Variants in FOXJ3 observed in about 807,000 individuals in gnomAD.
FOXJ3 encodes the protein forkhead box protein J3.
FOXJ3 carries 22 observed loss-of-function variants against 76.1 expected under a neutral mutation model. The observed-to-expected ratio is 0.29, with a 90% CI of 0.21 to 0.41. The LOEUF is 0.41. Ranked by LOEUF, FOXJ3 falls within the 10% of genes least tolerant of loss-of-function variation. The pLI, the probability that FOXJ3 is intolerant of heterozygous loss-of-function variation, is 1.00. For synonymous variants in FOXJ3, 269 were observed against 261.2 expected (o/e 1.03, Z -0.29); for missense variants, 613 against 762.1 (o/e 0.80, Z 2.30).
intron 1 of FOXJ3, among the ~76,000 whole-genome samples, chr1:42,330,495 G>C (rs1292415361): frequency 1.3e-5 from 2 of 152,032 alleles, no homozygotes; most frequent in African/African-American, 4.8e-5. Context: ...AAAATTAGCT[G>C]AGCATGGTGG....
At chr1:42,237,947 T>G (rs933988406) in intron 4 of FOXJ3, among the ~76,000 whole-genome samples, 2 of 151,208 alleles carry the variant, frequency 1.3e-5, no homozygotes, top group Non-Finnish European at 3.0e-5. Flanking sequence ...CACATATATA[T>G]AGACACACAC....
chr1:42,312,505 C>A (rs952633960), intron 1 of FOXJ3, among the ~76,000 whole-genome samples: 5 of 152,222 alleles, frequency 3.3e-5, no homozygotes. Context: ...ATAGACACTT[C>A]TATTTCTTCC....
chr1:42,196,804 TA>T (rs1646660596), intron 7 of FOXJ3, among the ~76,000 whole-genome samples: 1 of 152,258 alleles, frequency 6.6e-6, no homozygotes, highest in Non-Finnish European at 1.5e-5. Flanking sequence ...TCTAGTTCTA[TA>T]CATGCTTCTT....
At chr1:42,257,913 T>C (rs1033572464) in intron 4 of FOXJ3, among the ~76,000 whole-genome samples, 1 of 152,168 alleles carries the variant, frequency 6.6e-6, no homozygotes, top group Admixed American at 6.5e-5. Flanking sequence ...CAACACAAAG[T>C]ACCCTGCATA....
chr1:42,310,442 GCTTTTTT>G (rs1385555253), intron 2 of FOXJ3, among the ~76,000 whole-genome samples: 1 of 148,380 alleles, frequency 6.7e-6, no homozygotes, highest in Non-Finnish European at 1.5e-5. Context: ...CCGCACCTGG[GCTTTTTT>G]CTTTTTTTTT....
chr1:42,278,016 CAGTT>C (rs1553165949), intron 3 of FOXJ3, among the ~76,000 whole-genome samples: 2 of 149,958 alleles, frequency 1.3e-5, no homozygotes, highest in African/African-American at 2.5e-5. Context: ...CTGATAAAGA[CAGTT>C]AGTACTAGTT....
intron 4 of FOXJ3, among the ~76,000 whole-genome samples, chr1:42,246,242 A>G (rs1649540920): frequency 6.6e-6 from 1 of 152,200 alleles, no homozygotes; most frequent in African/African-American, 2.4e-5. Flanking sequence ...GTAGCAGAAA[A>G]TATTTGCAAA....
intron 11 of FOXJ3, among the ~76,000 whole-genome samples, chr1:42,184,758 A>C (rs546234956): frequency 3.9e-5 from 6 of 152,220 alleles, no homozygotes; most frequent in Admixed American, 3.9e-4. Context: ...ATGACCAAGG[A>C]AGGCATCCCC....
intron 12 of FOXJ3, among the ~76,000 whole-genome samples, 193 bp downstream of exon 12, chr1:42,181,724 C>T (rs911486437): frequency 6.6e-6 from 1 of 152,162 alleles, no homozygotes; most frequent in African/African-American, 2.4e-5. Context: ...CATTCACCAT[C>T]GGGAAAGCTA....
chr1:42,247,478 TA>T (rs1442672908), intron 4 of FOXJ3, among the ~76,000 whole-genome samples: 1 of 152,090 alleles, frequency 6.6e-6, no homozygotes, highest in Non-Finnish European at 1.5e-5. Flanking sequence ...ATAATCTAAA[TA>T]AACATTTCTC....
chr1:42,221,532 T>C (rs1647185689), intron 5 of FOXJ3, among the ~76,000 whole-genome samples: 1 of 152,098 alleles, frequency 6.6e-6, no homozygotes, highest in African/African-American at 2.4e-5. Flanking sequence ...CATGGCTCAC[T>C]GCAACCTCAA....
At chr1:42,270,104 A>G (rs969232797) in intron 3 of FOXJ3, among the ~76,000 whole-genome samples, 1 of 152,148 alleles carries the variant, frequency 6.6e-6, no homozygotes, top group African/African-American at 2.4e-5. Flanking sequence ...GTTCTCTCTC[A>G]GGTTCTAAGC....
intron 4 of FOXJ3, among the ~76,000 whole-genome samples, chr1:42,254,025 C>T (rs1259628350): frequency 6.6e-6 from 1 of 151,320 alleles, no homozygotes; most frequent in African/African-American, 2.4e-5. Context: ...AGTGAACAGG[C>T]AACCTACAAA....
intron 3 of FOXJ3, among the ~76,000 whole-genome samples, chr1:42,273,856 T>C (rs956450276): frequency 1.3e-5 from 2 of 152,054 alleles, no homozygotes; most frequent in Admixed American, 1.3e-4. Flanking sequence ...AAAATCCAGA[T>C]TTCCCTTTTC....
At chr1:42,328,910 G>A (rs1277693941) in intron 1 of FOXJ3, among the ~76,000 whole-genome samples, 3 of 151,858 alleles carry the variant, frequency 2.0e-5, no homozygotes, top group Non-Finnish European at 2.9e-5. Context: ...CAAGTGATCC[G>A]CCTGCCTCGG....
At chr1:42,225,852 A>G (rs1429571176) in intron 5 of FOXJ3, among the ~76,000 whole-genome samples, 1 of 152,040 alleles carries the variant, frequency 6.6e-6, no homozygotes, top group Non-Finnish European at 1.5e-5. Context: ...ACAGTCTCAG[A>G]AAAAAAAGGA....
At chr1:42,272,945 C>T (rs927237412) in intron 3 of FOXJ3, among the ~76,000 whole-genome samples, 1 of 152,156 alleles carries the variant, frequency 6.6e-6, no homozygotes, top group African/African-American at 2.4e-5. Context: ...CTCCACAAAT[C>T]TTAACTCTTC....
intron 1 of FOXJ3, among the ~76,000 whole-genome samples, chr1:42,313,785 A>T (rs1654947830): frequency 6.6e-6 from 1 of 152,186 alleles, no homozygotes; most frequent in East Asian, 1.9e-4. Flanking sequence ...TTTCGTACAC[A>T]GCAGAGCAGC....
intron 1 of FOXJ3, among the ~76,000 whole-genome samples, chr1:42,330,516 T>C (rs1656095489): frequency 6.6e-6 from 1 of 152,094 alleles, no homozygotes; most frequent in South Asian, 2.1e-4. Flanking sequence ...CGCGCACCTG[T>C]AGTCCCAGCT....
Sources: gnomAD v4.1 joint callset for allele counts (sites outside exome capture counted in the v4.1 genomes callset) on GRCh38, gnomAD v4.1.1 for gene constraint, MANE v1.5 for transcripts, NCBI Gene and HGNC (gene_info 2026-07-23, HGNC 2026-07-21) for gene names.